The following PRICKLE1 variants were observed in gnomAD, a reference collection of about 807,000 sequenced individuals.
PRICKLE1 encodes the protein prickle-like protein 1.
A neutral mutation model predicts 70.2 loss-of-function variants in PRICKLE1; 14 were observed. The ratio of observed to expected loss-of-function variants is 0.20; its 90% CI spans 0.13 to 0.31. The LOEUF is 0.31. Among genes scored for constraint, PRICKLE1 ranks in the 10% least tolerant of loss-of-function variants. The pLI is 1.00. For missense variants in PRICKLE1, 821 were observed against 1,026.2 expected, an observed-to-expected ratio of 0.80 and a Z score of 2.73; for synonymous variants, 357 against 379.9, an observed-to-expected ratio of 0.94 and a Z score of 0.70.
intron 1 of PRICKLE1, among the ~76,000 whole-genome samples, chr12:42,560,103 A>AATTGTT (rs1940483770): frequency 1.4e-5 from 2 of 139,894 alleles, no homozygotes; most frequent in Non-Finnish European, 3.1e-5. Context: ...AATCTCCTTT[A>AATTGTT]ATTATTATTA....
chr12:42,538,828 G>C (rs1940059117), intron 1 of PRICKLE1, among the ~76,000 whole-genome samples: 1 of 152,166 alleles, frequency 6.6e-6, no homozygotes, highest in African/African-American at 2.4e-5. Flanking sequence ...GATGCAGTTT[G>C]TTGCAAATTG....
intron 1 of PRICKLE1, among the ~76,000 whole-genome samples, chr12:42,580,538 T>TA (rs1940880626): frequency 1.3e-5 from 2 of 152,216 alleles, no homozygotes; most frequent in South Asian, 4.1e-4. Context: ...CTCATTGTTT[T>TA]AAATTGGGAG....
chr12:42,513,425 T>C (rs1939551471), intron 1 of PRICKLE1, among the ~76,000 whole-genome samples: 1 of 152,172 alleles, frequency 6.6e-6, no homozygotes, highest in African/African-American at 2.4e-5. Flanking sequence ...AGCTGGGCAC[T>C]CTTGTAGTCC....
intron 1 of PRICKLE1, among the ~76,000 whole-genome samples, chr12:42,576,332 G>T (rs1417809934): frequency 6.6e-6 from 1 of 152,206 alleles, no homozygotes; most frequent in Non-Finnish European, 1.5e-5. Flanking sequence ...CATTTAAGGA[G>T]AGAGAACAAC....
In PRICKLE1 at chr12:42,488,903, C is replaced by T. The variant is rs1000784243; in HGVS notation, c.-48-16339G>A. 5.4e-5 allele frequency among the ~76,000 whole-genome samples: 8 copies of T among 149,112 alleles called. No homozygotes were observed. The South Asian group carries it at 6.4e-4, about 12-fold the overall frequency. On this transcript the variant is annotated intron_variant, in intron 1 of 7. Transcript: ENST00000345127. ...TTATATTTTCACATTATATGTAAAC[C>T]TTTTCTCTATCAATCTATCTTTTTT...
chr12:42,554,416 G>A lies in PRICKLE1; in HGVS notation c.-49+35049C>T, dbSNP rs867003526. 7.9e-5 allele frequency among the ~76,000 whole-genome samples: 12 copies of A among 152,294 alleles called. No homozygotes were observed. The South Asian group carries it at 2.1e-3, about 26-fold the overall frequency. ...GAATTCAGCAAAGCCGTATACAAAT[G>A]ACCAAAATGGTAGTTGGAGAAAAAT... is the stretch of plus-strand genomic sequence containing the variant. On this transcript the variant is annotated intron_variant, in intron 1 of 7. Transcript: ENST00000345127.
intron 1 of PRICKLE1, among the ~76,000 whole-genome samples, chr12:42,534,911 G>A (rs1939992076): frequency 6.6e-6 from 1 of 152,218 alleles, no homozygotes; most frequent in Non-Finnish European, 1.5e-5. Flanking sequence ...TGCTGCAGTA[G>A]ATATGTATGG....
intron 1 of PRICKLE1, among the ~76,000 whole-genome samples, chr12:42,545,867 A>AT (rs66534541): frequency 0.068 from 10,114 of 148,574 alleles, 585 homozygotes; most frequent in East Asian, 0.2. Flanking sequence ...AAAAAAAAAA[A>AT]ATATATATAT....
chr12:42,462,763 A>C (rs1186502227), intron 7 of PRICKLE1, among the ~76,000 whole-genome samples: 1 of 152,182 alleles, frequency 6.6e-6, no homozygotes, highest in African/African-American at 2.4e-5. Flanking sequence ...CCTTCATCAA[A>C]GGGCTGGATG....
intron 1 of PRICKLE1, among the ~76,000 whole-genome samples, chr12:42,587,703 A>G (rs534398122): frequency 1.2e-4 from 19 of 152,360 alleles, no homozygotes; most frequent in African/African-American, 4.1e-4. Flanking sequence ...GTCCCAGGCC[A>G]AGCCTAGCCA....
rs752163142 is a variant in PRICKLE1, at chr12:42,472,527, G to T, written c.-11C>A. ...CATCTCCAAAGGCATAAAGTTTAAA[G>T]CCTGGTTTCTCAGTCACAGGACATC... is the stretch of plus-strand genomic sequence containing the variant. On this transcript the variant is annotated 5_prime_UTR_variant, in exon 2 of 8. Coordinates refer to ENST00000345127, the MANE Select transcript of PRICKLE1 (RefSeq NM_153026.3). 17 of 1,613,992 alleles carry T rather than the reference G, an allele frequency of 1.1e-5. No individual in the cohort carries two copies. In the African/African-American group the frequency reaches 2.3e-4, roughly 22 times the overall value.
At chr12:42,475,620 C>T (rs193095305) in intron 1 of PRICKLE1, among the ~76,000 whole-genome samples, 10 of 152,164 alleles carry the variant, frequency 6.6e-5, no homozygotes, top group East Asian at 3.9e-4. Flanking sequence ...ACTTTACCCA[C>T]GGAAGGCATT....
chr12:42,544,939 T>C (rs1940181346), intron 1 of PRICKLE1, among the ~76,000 whole-genome samples: 1 of 151,896 alleles, frequency 6.6e-6, no homozygotes. Context: ...TTCCTTCTCC[T>C]TGCTTTGCAG....
In PRICKLE1 at chr12:42,470,277, A is replaced by T; in HGVS notation, c.215T>A (p.Leu72His). The T allele has an allele frequency of 6.2e-7, 1 of 1,613,978 alleles. No homozygotes were observed. Residue 72 changes from leucine to histidine, a missense_variant, in exon 3 of 8, where the codon CTT becomes CAT. Leu to His is a moderately conservative substitution (Grantham distance 99, BLOSUM62 -3). Transcript: ENST00000345127. ...ATCATGTGGTGGTAACTGGTACAAA[A>T]GCTGTTTAATCCGATGCTTCTCTCC... Reference protein sequence around the residue: ...SPGEKHRIKQLLYQLPPHDNE... With the variant: ...SPGEKHRIKQHLYQLPPHDNE...
intron 1 of PRICKLE1, among the ~76,000 whole-genome samples, chr12:42,587,126 T>TA (rs1940998572): frequency 6.6e-6 from 1 of 152,226 alleles, no homozygotes; most frequent in Non-Finnish European, 1.5e-5. Context: ...TCACTGGTGT[T>TA]ACTGGCAGAA....
intron 1 of PRICKLE1, among the ~76,000 whole-genome samples, chr12:42,518,802 T>C (rs1210277963): frequency 6.6e-6 from 1 of 152,230 alleles, no homozygotes; most frequent in Non-Finnish European, 1.5e-5. Flanking sequence ...ACAGCTTATA[T>C]TTCTCAAAAC....
rs1225773828 is a variant in PRICKLE1 at position 42,559,618 on chromosome 12, A to AT, written c.-49+29846dup. On this transcript the variant is annotated intron_variant, in intron 1 of 7. Coordinates refer to ENST00000345127, the MANE Select transcript of PRICKLE1 (RefSeq NM_153026.3). ...TGTGTGTGTGTGTGTATATATATAT[A>AT]TATATATTTTTTTTTTTTGGGGGGG... Among the ~76,000 whole-genome samples the AT allele has an allele frequency of 1.3e-3, 70 of 52,902 alleles. 3 individuals are homozygous for AT. The South Asian group carries it at 0.041, about 31-fold the overall frequency. The allele number at this position is 52,902 out of a possible 152,430, so 34.7% of individuals were successfully genotyped here.
At position 42,514,905 on chromosome 12, in the gene PRICKLE1, CTATCT is replaced by C. The variant is rs1279383141; in HGVS notation, c.-48-42346_-48-42342del. Among the ~76,000 whole-genome samples, 17 of 111,466 alleles carry C rather than the reference CTATCT, an allele frequency of 1.5e-4. No homozygotes were observed. The East Asian group carries it at 4.6e-3, about 30-fold the overall frequency. 73.1% of individuals were successfully genotyped at this position (111,466 alleles called of 152,430 possible). A position where few individuals can be genotyped will look rare whatever the true frequency, so the allele number is the denominator to read the frequency against. On this transcript the variant is annotated intron_variant, in intron 1 of 7. Coordinates refer to ENST00000345127, the MANE Select transcript of PRICKLE1 (RefSeq NM_153026.3). Reference sequence around the variant, plus strand: ...AGGCTCGCTCTATCTATCTATCTATCTATCTATCTATCTATCTATCTATCTATCTA... The same window carrying C: ...AGGCTCGCTCTATCTATCTATCTATCATCTATCTATCTATCTATCTATCTA...
intron 1 of PRICKLE1, chr12:42,483,994 G>C (rs1406359850): frequency 1.1e-5 from 1 of 93,862 alleles, no homozygotes; most frequent in Non-Finnish European, 1.9e-5. Context: ...ATCTTCAAAA[G>C]TAATCAGAGC....
Sources: gnomAD v4.1 joint callset for allele counts (sites outside exome capture counted in the v4.1 genomes callset) on GRCh38, gnomAD v4.1.1 for gene constraint, MANE v1.5 for transcripts, NCBI Gene and HGNC (gene_info 2026-07-23, HGNC 2026-07-21) for gene names.